Variants in SLC22A3 observed in about 807,000 individuals in gnomAD.
SLC22A3 encodes solute carrier family 22 member 3.
A neutral mutation model predicts 59.1 loss-of-function variants in SLC22A3; 51 were observed. The observed-to-expected ratio is 0.86, with a 90% CI of 0.69 to 1.09. SLC22A3 has a LOEUF of 1.09. SLC22A3 is among the 50% of genes least tolerant of loss of function. The pLI, the probability that SLC22A3 is intolerant of heterozygous loss-of-function variation, is 0.00. For missense variants in SLC22A3, 711 were observed against 726.3 expected (o/e 0.98, Z 0.24); for synonymous variants, 325 against 292.0 (o/e 1.11, Z -1.15).
chr6:160,415,656 C>T lies in SLC22A3; in HGVS notation c.975+4810C>T, dbSNP rs914520849. On this transcript the variant is annotated intron_variant, in intron 5 of 10. Coordinates refer to ENST00000275300, the MANE Select transcript of SLC22A3 (RefSeq NM_021977.4). This position sits in a 1 kb window ranked among gnomAD's most constrained non-coding sequence, Gnocchi z 4.1. ...GTGTAAATGACCTCATCCTTCACGA[C>T]CTCTCTAATTCCCACCTCATTCTCA... 2.0e-5 allele frequency among the ~76,000 whole-genome samples: 3 copies of T among 152,192 alleles called. No individual in the cohort carries two copies. Among genetic ancestry groups the T allele is most frequent in the African/African-American group, 7.2e-5 (3 of 41,452 alleles).
intron 1 of SLC22A3, among the ~76,000 whole-genome samples, chr6:160,369,442 A>G (rs1228253620): frequency 6.6e-6 from 1 of 152,192 alleles, no homozygotes; most frequent in East Asian, 1.9e-4. Flanking sequence ...CCTGCTTGTG[A>G]TCTTTATTGC....
intron 1 of SLC22A3, among the ~76,000 whole-genome samples, chr6:160,355,597 T>TAA (rs771723533): frequency 0.25 from 35,480 of 143,348 alleles, 4,445 homozygotes; most frequent in Middle Eastern, 0.33. Context: ...CCGTCTCTAC[T>TAA]AAAAAAAAAA....
rs761163400 is a variant in SLC22A3, at chr6:160,437,193, A to C, written c.1270A>C (p.Thr424Pro). The C allele has an allele frequency of 1.2e-6, 2 of 1,614,072 alleles. No homozygotes were observed. The highest frequency in any genetic ancestry group is 1.7e-6 in the Non-Finnish European group (2 of 1,179,962). Residue 424 changes from threonine to proline, a missense_variant, in exon 7 of 11, where the codon ACT becomes CCT. Physicochemically the swap from Thr to Pro is conservative, Grantham distance 38 (BLOSUM62 -1). Transcript: ENST00000275300. ...AGTGGCAGGGGTGGCATGCCTTGTC[A>C]CTGCGTTCTTACCAGAAGGTAATCT... ...NIVAGVACLVTAFLPEGIAWL... is the reference protein window; with the variant it reads ...NIVAGVACLVPAFLPEGIAWL...
At position 160,398,064 on chromosome 6, in the gene SLC22A3, T is replaced by C. The variant is rs368914737; in HGVS notation, c.515T>C (p.Leu172Ser). Reference protein sequence around the residue: ...NLGFLTGAFTLGYAADRYGRI... With the variant: ...NLGFLTGAFTSGYAADRYGRI... Reference sequence around the variant, plus strand: ...GGCTTCCTGACTGGAGCATTCACCTTAGGCTATGCAGCAGACAGGTAGGTA... The same window carrying C: ...GGCTTCCTGACTGGAGCATTCACCTCAGGCTATGCAGCAGACAGGTAGGTA... The change falls in exon 2 of 11, where the codon TTA becomes TCA. Residue 172 changes from leucine (L) to serine (S), a missense_variant. Transcript: ENST00000275300. 6.0e-5 allele frequency: 96 copies of C among 1,613,434 alleles called. No homozygotes were observed. Among genetic ancestry groups the C allele is most frequent in the Non-Finnish European group, 4.5e-5 (53 of 1,179,512 alleles).
At chr6:160,382,565 G>A (rs1785837277) in intron 1 of SLC22A3, among the ~76,000 whole-genome samples, 1 of 152,180 alleles carries the variant, frequency 6.6e-6, no homozygotes, top group Admixed American at 6.5e-5. Context: ...ATAGAACTCA[G>A]AAAGGCTGCA....
intron 5 of SLC22A3, among the ~76,000 whole-genome samples, chr6:160,435,221 C>A (rs1211134290): frequency 6.6e-6 from 1 of 152,182 alleles, no homozygotes; most frequent in Non-Finnish European, 1.5e-5. Flanking sequence ...ATGGTGGAAT[C>A]CATCAGCAGT....
chr6:160,358,499 G>T (rs1490064997), intron 1 of SLC22A3, among the ~76,000 whole-genome samples: 3 of 152,170 alleles, frequency 2.0e-5, no homozygotes, highest in African/African-American at 7.2e-5. Flanking sequence ...ACGTGGCCAG[G>T]GTCCACTCTC....
At chr6:160,449,442 A>G (rs937817487) in intron 10 of SLC22A3, among the ~76,000 whole-genome samples, 2 of 152,186 alleles carry the variant, frequency 1.3e-5, no homozygotes, top group Admixed American at 1.3e-4. Context: ...ATGAAAAAAA[A>G]TATAGTAGAA....
chr6:160,359,766 A>G (rs1583442679), intron 1 of SLC22A3, among the ~76,000 whole-genome samples: 1 of 152,346 alleles, frequency 6.6e-6, no homozygotes, highest in African/African-American at 2.4e-5. Context: ...AAGCATTCAC[A>G]ATGGAAGCTG....
rs546536235 is a variant in SLC22A3, at chr6:160,447,347, GGTAA to G, written c.1511-369_1511-366del. Among the ~76,000 whole-genome samples, 31 of 152,272 alleles carry G rather than the reference GGTAA, an allele frequency of 2.0e-4. No homozygotes were observed. The East Asian group carries it at 4.8e-3, about 24-fold the overall frequency. On this transcript the variant is annotated intron_variant, in intron 9 of 10. Coordinates refer to ENST00000275300, the MANE Select transcript of SLC22A3 (RefSeq NM_021977.4). ...AGGAGGAATCGGAGGGAGAGGGGCA[GGTAA>G]GTGAGAGTGTCAGTGAGCGGGCGCA... is the stretch of plus-strand genomic sequence containing the variant.
At chr6:160,356,579 G>A (rs895726174) in intron 1 of SLC22A3, among the ~76,000 whole-genome samples, 3 of 152,224 alleles carry the variant, frequency 2.0e-5, no homozygotes, top group Non-Finnish European at 4.4e-5. Flanking sequence ...AAGGGCCTGG[G>A]CTGAGCAGCT....
At chr6:160,400,655 AACAC>A (rs55746106) in intron 2 of SLC22A3, among the ~76,000 whole-genome samples, 122,384 of 149,280 alleles carry the variant, frequency 0.82, 50,421 homozygotes, top group East Asian at 0.99. Flanking sequence ...TAAAAGCCAA[AACAC>A]ACACACACAC....
intron 1 of SLC22A3, among the ~76,000 whole-genome samples, chr6:160,349,357 T>C (rs889731283): frequency 6.6e-6 from 1 of 152,320 alleles, no homozygotes; most frequent in Non-Finnish European, 1.5e-5. Flanking sequence ...CCCAAATGGT[T>C]ACTCAAAATG....
intron 5 of SLC22A3, among the ~76,000 whole-genome samples, chr6:160,424,038 A>G (rs567123008): frequency 8.5e-5 from 13 of 152,268 alleles, no homozygotes; most frequent in Non-Finnish European, 1.6e-4. Context: ...CTTTCTACAT[A>G]TGTCACCTTC....
chr6:160,392,736 A>G (rs1316595730), intron 1 of SLC22A3, among the ~76,000 whole-genome samples: 1 of 152,198 alleles, frequency 6.6e-6, no homozygotes. Flanking sequence ...CCAAATTATT[A>G]TTTATGATTA....
Position 160,348,672 on chromosome 6 carries a change from G to A in SLC22A3, c.253G>A (p.Glu85Lys), listed in dbSNP as rs1037194181. The A allele has an allele frequency of 1.8e-5, 27 of 1,506,702 alleles. No individual in the cohort carries two copies. The highest frequency in any genetic ancestry group is 2.7e-5 in the East Asian group (1 of 37,502). The allele number at this position is 1,506,702 out of a possible 1,614,324, so 93.3% of individuals were successfully genotyped here. ...APASRGPEPPERRGRCQRYLL... is the reference protein window; with the variant it reads ...APASRGPEPPKRRGRCQRYLL... ...CGCCTCCCGCGGCCCAGAGCCCCCC[G>A]AGCGCCGCGGCCGCTGCCAGCGCTA... The change falls in exon 1 of 11, where the codon GAG (glutamate) becomes AAG (lysine). Residue 85 changes from glutamate to lysine, a missense_variant. Coordinates refer to ENST00000275300, the MANE Select transcript of SLC22A3 (RefSeq NM_021977.4).
chr6:160,402,314 G>A (rs1027726452), intron 2 of SLC22A3, among the ~76,000 whole-genome samples: 3 of 152,012 alleles, frequency 2.0e-5, no homozygotes, highest in Admixed American at 2.0e-4. Context: ...TAATGACAAA[G>A]GGGTCAATTC....
intron 5 of SLC22A3, among the ~76,000 whole-genome samples, chr6:160,428,190 C>G (rs1788034065): frequency 6.6e-6 from 1 of 151,950 alleles, no homozygotes; most frequent in Admixed American, 6.6e-5. Context: ...ATCCGTTCAC[C>G]TTTGCCAATA....
At position 160,411,622 on chromosome 6, in the gene SLC22A3, G is replaced by T. The variant is rs1019067633; in HGVS notation, c.975+776G>T. On this transcript the variant is annotated intron_variant, in intron 5 of 10. Coordinates refer to ENST00000275300, the MANE Select transcript of SLC22A3 (RefSeq NM_021977.4). ...GTGGGCATGGTGGCACGCACCTGTTGTCTCAGCTACTCAGGAGGCTGAAGC... is the reference window on the plus strand; with the variant it reads ...GTGGGCATGGTGGCACGCACCTGTTTTCTCAGCTACTCAGGAGGCTGAAGC... 2.0e-5 allele frequency among the ~76,000 whole-genome samples: 3 copies of T among 152,132 alleles called. No homozygotes were observed. The South Asian group carries it at 6.2e-4, about 31-fold the overall frequency.
Sources: gnomAD v4.1 joint callset for allele counts (sites outside exome capture counted in the v4.1 genomes callset) on GRCh38, gnomAD v4.1.1 for gene constraint, Gnocchi (gnomAD v3.1) non-coding constraint, MANE v1.5 for transcripts, NCBI Gene and HGNC (gene_info 2026-07-23, HGNC 2026-07-21) for gene names.